ANXA4: variants seen among roughly 807,000 people sequenced by gnomAD.
ANXA4 encodes 35-beta calcimedin.
In ANXA4, 39 loss-of-function variants were observed where a neutral mutation model predicts 49.8. The observed-to-expected ratio is 0.78, with a 90% CI of 0.61 to 1.02. The LOEUF is 1.02. Among genes scored for constraint, ANXA4 ranks in the 50% least tolerant of loss-of-function variants. The pLI is 0.00. For missense variants in ANXA4, 360 were observed against 410.1 expected, an observed-to-expected ratio of 0.88 and a Z score of 1.05; for synonymous variants, 134 against 152.5, an observed-to-expected ratio of 0.88 and a Z score of 0.89.
chr2:69,754,905 G>A (rs918785376), intron 1 of ANXA4, among the ~76,000 whole-genome samples: 1 of 152,176 alleles, frequency 6.6e-6, no homozygotes, highest in Non-Finnish European at 1.5e-5. Context: ...TTGTTCTTTG[G>A]AAGTGAGAAG....
intron 1 of ANXA4, among the ~76,000 whole-genome samples, chr2:69,751,787 C>A (rs1670852739): frequency 6.6e-6 from 1 of 152,082 alleles, no homozygotes; most frequent in Non-Finnish European, 1.5e-5. Flanking sequence ...CATCTAAAGG[C>A]AGGGGAGGCA....
chr2:69,762,898 C>T (rs922761727), intron 1 of ANXA4, among the ~76,000 whole-genome samples: 11 of 152,114 alleles, frequency 7.2e-5, no homozygotes, highest in Non-Finnish European at 1.6e-4. Context: ...CACTCACACT[C>T]ACATACTCTT....
intron 3 of ANXA4, among the ~76,000 whole-genome samples, chr2:69,800,576 G>A (rs562762023): frequency 1.3e-5 from 2 of 152,188 alleles, no homozygotes; most frequent in African/African-American, 4.8e-5. Flanking sequence ...TCCCACTGGG[G>A]TTCAAAGAGA....
intron 8 of ANXA4, among the ~76,000 whole-genome samples, chr2:69,813,608 GTAAGTA>G (rs1482984050): frequency 1.3e-5 from 2 of 151,948 alleles, no homozygotes; most frequent in Non-Finnish European, 2.9e-5. Context: ...ACTTCATAAG[GTAAGTA>G]TTGCTATCCC....
intron 12 of ANXA4, among the ~76,000 whole-genome samples, chr2:69,823,262 T>G (rs973080684): frequency 3.3e-5 from 5 of 151,204 alleles, no homozygotes; most frequent in Non-Finnish European, 5.9e-5. Flanking sequence ...AATATATGTG[T>G]GTATACACAC....
rs200043569 is a variant in ANXA4, at chr2:69,792,609, G to GT, written c.97+4477dup. Among the ~76,000 whole-genome samples, 943 of 150,746 alleles carry GT rather than the reference G, an allele frequency of 6.3e-3. 18 individuals carry two copies. Among genetic ancestry groups the GT allele is most frequent in the East Asian group, 0.031 (159 of 5,134 alleles). ...TGTTTTTTTTTGCAAGATTTTTACA[G>GT]TTTTTTTTTACAATTTGCTTAAACC... On this transcript the variant is annotated intron_variant, in intron 3 of 12. Coordinates refer to ENST00000394295, the MANE Select transcript of ANXA4 (RefSeq NM_001153.5).
chr2:69,782,935 G>T (rs187993832), intron 2 of ANXA4, among the ~76,000 whole-genome samples: 1 of 152,044 alleles, frequency 6.6e-6, no homozygotes, highest in South Asian at 2.1e-4. Flanking sequence ...CTATACAGTC[G>T]CAACATTGGA....
upstream of ANXA4, among the ~76,000 whole-genome samples, chr2:69,741,100 A>G (rs1405494599): frequency 6.6e-6 from 1 of 152,210 alleles, no homozygotes; most frequent in Non-Finnish European, 1.5e-5. Context: ...ACCACCTTTT[A>G]AAATTACATC....
upstream of ANXA4, among the ~76,000 whole-genome samples, chr2:69,644,164 T>TCCCCCCCCCCCCCCC (rs1559030592): frequency 1.2e-4 from 2 of 16,458 alleles, 1 homozygote; most frequent in Admixed American, 1.6e-3. Flanking sequence ...AACAACTAAG[T>TCCCCCCCCCCCCCCC]TCCCCCCCCC....
At chr2:69,816,227 G>A (rs757294226) in intron 9 of ANXA4, 33 bp downstream of exon 9, 2 of 1,586,882 alleles carry the variant, frequency 1.3e-6, no homozygotes, top group Non-Finnish European at 1.7e-6. Context: ...CAAAGAAAAG[G>A]AGTGAAAGAT....
intron 1 of ANXA4, among the ~76,000 whole-genome samples, chr2:69,761,428 A>C (rs1348982769): frequency 6.6e-6 from 1 of 152,252 alleles, no homozygotes; most frequent in East Asian, 1.9e-4. Flanking sequence ...TAATATTTGC[A>C]TCCACATGGA....
At chr2:69,656,331 A>G (rs1302524337) in intron 2 of ANXA4, among the ~76,000 whole-genome samples, 5 of 100,722 alleles carry the variant, frequency 5.0e-5, no homozygotes, top group South Asian at 3.2e-4. Context: ...ATGTATATAT[A>G]TGTGTATATA....
intron 3 of ANXA4, among the ~76,000 whole-genome samples, chr2:69,725,422 T>A (rs189346018): frequency 1.5e-4 from 22 of 149,014 alleles, no homozygotes; most frequent in Admixed American, 2.0e-4. Flanking sequence ...ATTTATATAT[T>A]TATTTATTGT....
chr2:69,663,197 T>G (rs1676792381), intron 2 of ANXA4, among the ~76,000 whole-genome samples: 2 of 150,748 alleles, frequency 1.3e-5, no homozygotes, highest in South Asian at 4.2e-4. Flanking sequence ...GGTTTCACCA[T>G]GTTAGCCAGG....
At chr2:69,678,068 A>C (rs866373720) in intron 2 of ANXA4, among the ~76,000 whole-genome samples, 1 of 152,154 alleles carries the variant, frequency 6.6e-6, no homozygotes, top group African/African-American at 2.4e-5. Flanking sequence ...AAACCAAAAA[A>C]ATTTGTGTGA....
chr2:69,738,130 T>A (rs148563560), upstream of ANXA4, among the ~76,000 whole-genome samples: 254 of 152,250 alleles, frequency 1.7e-3, 2 homozygotes, highest in African/African-American at 5.5e-3. Context: ...GAAAATCAAA[T>A]CTAACTAAGT....
At chr2:69,804,473 A>T in intron 3 of ANXA4, 60 bp from the exon 4 acceptor site, 13 of 1,479,648 alleles carry the variant, frequency 8.8e-6, no homozygotes, top group Non-Finnish European at 1.2e-5. Context: ...CCACAGAGGA[A>T]CCTGCTTTCT....
intron 2 of ANXA4, among the ~76,000 whole-genome samples, chr2:69,783,250 A>G (rs914470969): frequency 1.3e-5 from 2 of 151,922 alleles, no homozygotes; most frequent in Non-Finnish European, 2.9e-5. Context: ...CAGAGTCTCA[A>G]TCTGTTGCCC....
upstream of ANXA4, among the ~76,000 whole-genome samples, chr2:69,740,939 G>A (rs764969869): frequency 1.4e-4 from 19 of 140,468 alleles, no homozygotes; most frequent in Non-Finnish European, 2.1e-4. Context: ...TGATCCACTT[G>A]CCCTGGCCTC....
Sources: allele counts gnomAD v4.1 joint callset (sites outside exome capture counted in the v4.1 genomes callset), GRCh38; gene constraint gnomAD v4.1.1; transcripts MANE v1.5; gene names NCBI Gene and HGNC (gene_info 2026-07-23, HGNC 2026-07-21).